CEP63: variants seen among roughly 807,000 people sequenced by gnomAD.
CEP63 encodes centrosomal protein of 63 kDa.
Under a neutral mutation model 89.1 loss-of-function variants are expected in CEP63, and 84 were observed. The ratio of observed to expected loss-of-function variants is 0.94; its 90% confidence interval spans 0.79 to 1.13. The LOEUF (loss-of-function observed/expected upper bound fraction) is 1.13, where lower values mean the gene tolerates loss of function less well. Ranked by LOEUF, CEP63 falls within the 50% of genes most tolerant of loss-of-function variation. The probability of loss-of-function intolerance (pLI) is 0.00; values close to 1 mark genes in which losing one functional copy is unlikely to be tolerated. For missense variants in CEP63, 838 were observed against 813.3 expected (o/e 1.03, Z -0.37); for synonymous variants, 267 against 272.5 (o/e 0.98, Z 0.20).
At chr3:134,534,611 C>T (rs567217463) in intron 5 of CEP63, among the ~76,000 whole-genome samples, 1 of 152,310 alleles carries the variant, frequency 6.6e-6, no homozygotes, top group Admixed American at 6.5e-5. Flanking sequence ...CTTGCTTCCT[C>T]ATATTTGCTT....
chr3:134,722,313 TATACA>T, the CEP63 span, among the ~76,000 whole-genome samples: 1 of 147,680 alleles, frequency 6.8e-6, no homozygotes, highest in Non-Finnish European at 1.5e-5. Flanking sequence ...ATACTGTATA[TATACA>T]GTACAGTATT....
At position 134,558,214 on chromosome 3, in the gene CEP63, C is replaced by G. The variant is rs955838679; in HGVS notation, c.1540C>G (p.Gln514Glu). 1.2e-6 allele frequency: 2 copies of G among 1,613,620 alleles called. No homozygotes were observed. The highest frequency in any genetic ancestry group is 1.7e-6 in the Non-Finnish European group (2 of 1,179,694). The change falls in exon 13 of 15, where the codon CAA becomes GAA. Residue 514 changes from glutamine (Q) to glutamate (E), a missense_variant. Gln to Glu is a conservative substitution (Grantham distance 29). Transcript: ENST00000675561. ...ATTAAATAAATTAGTGTCTGAAAAT[C>G]AACAACTACAGAAAGATTTGATGAA... ...EALNKLVSEN[Q>E]QLQKDLMNTK...
chr3:134,574,851 G>A (rs759286009), exon 12 of CEP63: 11 of 616,200 alleles, frequency 1.8e-5, no homozygotes, highest in East Asian at 6.1e-5. Flanking sequence ...CAAGCAATCC[G>A]CCAGCCTCAG....
chr3:134,491,021 G>A (rs1385844487), intron 1 of CEP63, among the ~76,000 whole-genome samples: 7 of 152,182 alleles, frequency 4.6e-5, no homozygotes, highest in African/African-American at 1.7e-4. Context: ...AAATAGTCAT[G>A]CAGTGAATAT....
the CEP63 span, among the ~76,000 whole-genome samples, chr3:134,625,882 C>T: frequency 3.4e-3 from 521 of 152,372 alleles, 2 homozygotes; most frequent in African/African-American, 0.012. Flanking sequence ...GACAGAGATA[C>T]AGGAAGGAGA....
At chr3:134,681,126 G>T in the CEP63 span, among the ~76,000 whole-genome samples, 4 of 152,174 alleles carry the variant, frequency 2.6e-5, no homozygotes, top group African/African-American at 7.2e-5. Flanking sequence ...CCTATAAGGG[G>T]TCCTCTGATT....
At chr3:134,583,081 C>T (rs1958399918) in intron 10 of CEP63, among the ~76,000 whole-genome samples, 2 of 151,916 alleles carry the variant, frequency 1.3e-5, no homozygotes, top group African/African-American at 4.8e-5. Context: ...GGATATTAGC[C>T]CTTTGTCAGA....
the CEP63 span, among the ~76,000 whole-genome samples, chr3:134,680,957 G>C: frequency 6.6e-6 from 1 of 152,246 alleles, no homozygotes; most frequent in East Asian, 1.9e-4. Context: ...TGAGCCCAGA[G>C]GAGCTTTGCA....
At chr3:134,496,034 T>C (rs1939780026) in intron 2 of CEP63, among the ~76,000 whole-genome samples, 1 of 152,206 alleles carries the variant, frequency 6.6e-6, no homozygotes, top group Non-Finnish European at 1.5e-5. Context: ...GCAATAAACA[T>C]GGGGGTACAA....
intron 3 of CEP63, among the ~76,000 whole-genome samples, chr3:134,523,531 C>CT (rs1947969821): frequency 6.6e-6 from 1 of 152,068 alleles, no homozygotes; most frequent in African/African-American, 2.4e-5. Flanking sequence ...GGGCTTTACA[C>CT]TTAAGTCTTT....
the CEP63 span, chr3:134,604,515 A>G: frequency 6.5e-6 from 10 of 1,529,588 alleles, no homozygotes; most frequent in Admixed American, 1.6e-4. Context: ...TGGGTCCAGC[A>G]CGTGCTGATG....
chr3:134,624,906 C>T, the CEP63 span: 4 of 701,612 alleles, frequency 5.7e-6, no homozygotes, highest in Admixed American at 2.3e-5. Flanking sequence ...CTTCTGTCCC[C>T]ACCCATATGC....
At chr3:134,654,185 G>T in the CEP63 span, among the ~76,000 whole-genome samples, 3 of 152,302 alleles carry the variant, frequency 2.0e-5, no homozygotes, top group South Asian at 2.1e-4. Flanking sequence ...TTGTCTGAAT[G>T]GTTCTGGGCC....
chr3:134,624,819 G>A, the CEP63 span, among the ~76,000 whole-genome samples: 1 of 152,184 alleles, frequency 6.6e-6, no homozygotes, highest in Non-Finnish European at 1.5e-5. Flanking sequence ...TGTTGTATGG[G>A]GTGGGAGCAA....
chr3:134,541,557 C>T (rs1258599024), intron 6 of CEP63, among the ~76,000 whole-genome samples: 1 of 147,540 alleles, frequency 6.8e-6, no homozygotes, highest in African/African-American at 2.5e-5. Flanking sequence ...CTCTTGTTGC[C>T]CAGGCTGGAG....
At chr3:134,650,556 G>C in the CEP63 span, among the ~76,000 whole-genome samples, 1 of 152,204 alleles carries the variant, frequency 6.6e-6, no homozygotes, top group Non-Finnish European at 1.5e-5. Context: ...TGGCTGGGAG[G>C]AAAAAGACTC....
chr3:134,503,100 C>CTTTTTTTTTTTTTTTTTTTTTTTT (rs34673408), intron 2 of CEP63, among the ~76,000 whole-genome samples: 62 of 92,008 alleles, frequency 6.7e-4, no homozygotes, highest in East Asian at 7.4e-4. Flanking sequence ...TGATTTCAAT[C>CTTTTTTTTTTTTTTTTTTTTTTTT]TTTTTTTTTT....
At position 134,507,103 on chromosome 3, in the gene CEP63, T is replaced by C; in HGVS notation, c.45-6T>C. ...TGTTTTTTTAATGATCTGTTCTTCT[T>C]TATAGGGGATTTTTGACATCTTGTG... On this transcript the variant is annotated splice_polypyrimidine_tract_variant and splice_region_variant and intron_variant, in intron 2 of 14. Transcript: ENST00000675561. 6.2e-7 allele frequency: 1 copy of C among 1,611,764 alleles called. No homozygotes were observed. Among genetic ancestry groups the C allele is most frequent in the Non-Finnish European group, 8.5e-7 (1 of 1,178,166 alleles).
chr3:134,539,579 C>T (rs557772386), intron 6 of CEP63, among the ~76,000 whole-genome samples: 108 of 152,148 alleles, frequency 7.1e-4, no homozygotes, highest in Middle Eastern at 3.4e-3. Flanking sequence ...ATGTTTGAGT[C>T]AGAATCCAGT....
Sources: allele counts gnomAD v4.1 joint callset (sites outside exome capture counted in the v4.1 genomes callset), GRCh38; gene constraint gnomAD v4.1.1; transcripts MANE v1.5; gene names NCBI Gene and HGNC (gene_info 2026-07-23, HGNC 2026-07-21).